TCEANC2: variants seen among roughly 807,000 people sequenced by gnomAD.
The protein encoded by TCEANC2 is transcription elongation factor A N-terminal and central domain-containing protein 2.
Under a neutral mutation model 22.8 loss-of-function variants are expected in TCEANC2, and 20 were observed. That is an observed-to-expected ratio of 0.88 (90% CI 0.62 to 1.28). The LOEUF (loss-of-function observed/expected upper bound fraction) is 1.28. Among genes scored for constraint, TCEANC2 ranks in the 50% most tolerant of loss-of-function variants. The pLI is 0.00. For missense variants in TCEANC2, 251 were observed against 249.7 expected (o/e 1.01, Z -0.03); for synonymous variants, 84 against 95.5 (o/e 0.88, Z 0.70).
At position 54,096,932 on chromosome 1, in the gene TCEANC2, CTGTT is replaced by C. The variant is rs1436309748; in HGVS notation, c.*460_*463del. On this transcript the variant is annotated 3_prime_UTR_variant, in exon 5 of 5. Coordinates refer to ENST00000234827, the MANE Select transcript of TCEANC2 (RefSeq NM_153035.3). This position sits in a 1 kb window ranked among gnomAD's most constrained non-coding sequence, Gnocchi z 4.9. ...CTGGTGCCTCTCAGAACTCCCCTGTCTGTTCTCTTTGCTCTATCCCAGGGGTGAG... is the reference window on the plus strand; with the variant it reads ...CTGGTGCCTCTCAGAACTCCCCTGTCCTCTTTGCTCTATCCCAGGGGTGAG... 1 of 987,006 alleles carries C rather than the reference CTGTT, an allele frequency of 1.0e-6. No homozygotes were observed. The highest frequency in any genetic ancestry group is 1.7e-5 in the African/African-American group (1 of 57,278). The allele number at this position is 987,006 out of a possible 1,614,324, so 61.1% of individuals were successfully genotyped here.
intron 4 of TCEANC2, among the ~76,000 whole-genome samples, chr1:54,093,893 C>T (rs1235438763): frequency 6.6e-6 from 1 of 152,168 alleles, no homozygotes; most frequent in Non-Finnish European, 1.5e-5. Flanking sequence ...ACTAACCAGC[C>T]TCATACCGGG....
At chr1:54,087,885 G>A (rs956163683) in intron 3 of TCEANC2, among the ~76,000 whole-genome samples, 5 of 152,150 alleles carry the variant, frequency 3.3e-5, no homozygotes, top group African/African-American at 1.2e-4. Flanking sequence ...TTATTCCTCT[G>A]TCTCTCCTAT....
At chr1:54,054,715 CTACACCCTTGTAATTACTCCGGTT>C (rs1351446114) in intron 2 of TCEANC2, among the ~76,000 whole-genome samples, 191 bp downstream of exon 2, 3 of 152,226 alleles carry the variant, frequency 2.0e-5, no homozygotes, top group African/African-American at 4.8e-5. Flanking sequence ...CACACCCCTG[CTACACCCTTGTAATTACTCCGGTT>C]TACACCATGT....
At chr1:54,085,567 T>G (rs1570016137) in intron 3 of TCEANC2, among the ~76,000 whole-genome samples, 1 of 152,308 alleles carries the variant, frequency 6.6e-6, no homozygotes. Flanking sequence ...TTCTAATATC[T>G]TAGATCTTAG....
chr1:54,108,035 A>G (rs1419317464), downstream of TCEANC2, among the ~76,000 whole-genome samples: 1 of 152,244 alleles, frequency 6.6e-6, no homozygotes, highest in African/African-American at 2.4e-5. Context: ...TATGTTGGAA[A>G]ATGAACTCAG....
At chr1:54,094,662 G>A (rs1362096426) in intron 4 of TCEANC2, among the ~76,000 whole-genome samples, 1 of 152,214 alleles carries the variant, frequency 6.6e-6, no homozygotes, top group Non-Finnish European at 1.5e-5. Flanking sequence ...CCCAAGGGCT[G>A]AGCCTGCCTT....
intron 3 of TCEANC2, among the ~76,000 whole-genome samples, chr1:54,074,223 G>A (rs1452397373): frequency 6.6e-6 from 1 of 152,144 alleles, no homozygotes; most frequent in African/African-American, 2.4e-5. Context: ...CAGCACTTTG[G>A]GAGGCCGAGG....
rs1422938750 is a variant in TCEANC2 at position 54,098,059 on chromosome 1, C to G, written c.*1586C>G. On this transcript the variant is annotated 3_prime_UTR_variant, in exon 5 of 5. Coordinates refer to ENST00000234827, the MANE Select transcript of TCEANC2 (RefSeq NM_153035.3). ...ATATGGTTGCCTTGGATGATTTCAT[C>G]TACTCTCATGTTTTCAAGCATCATT... 1.3e-5 allele frequency: 2 copies of G among 152,202 alleles called. No homozygotes were observed. Among genetic ancestry groups the G allele is most frequent in the Non-Finnish European group, 1.5e-5 (1 of 68,048 alleles). The allele number at this position is 152,202 out of a possible 1,614,324, so 9.4% of individuals were successfully genotyped here.
At chr1:54,089,917 T>A in intron 4 of TCEANC2, 1 of 753,656 alleles carries the variant, frequency 1.3e-6, no homozygotes, top group Non-Finnish European at 2.3e-6. Flanking sequence ...CAGCAAACAA[T>A]GGCAAGGCAG....
chr1:54,069,656 G>C (rs924391686), intron 3 of TCEANC2, among the ~76,000 whole-genome samples: 1 of 150,744 alleles, frequency 6.6e-6, no homozygotes, highest in Non-Finnish European at 1.5e-5. Flanking sequence ...CGAGCATATA[G>C]ACAAATGGGA....
In TCEANC2 at chr1:54,064,692, C is replaced by CTT. The variant is rs67486092; in HGVS notation, c.103-4042_103-4041dup. ...CGGTTTTGTTGGTTGTGCATTTTTC[C>CTT]TTTTTTTTTTTTTTTTTTTTTTTGG... On this transcript the variant is annotated intron_variant, in intron 2 of 4. Transcript: ENST00000234827. Among the ~76,000 whole-genome samples the CTT allele has an allele frequency of 4.2e-3, 393 of 93,620 alleles. 1 individual carries two copies. The highest frequency in any genetic ancestry group is 0.014 in the African/African-American group (323 of 22,482). The allele number at this position is 93,620 out of a possible 152,430, so 61.4% of individuals were successfully genotyped here.
At chr1:54,069,603 CAA>C (rs1333889985) in intron 3 of TCEANC2, among the ~76,000 whole-genome samples, 27 of 67,588 alleles carry the variant, frequency 4.0e-4, no homozygotes, top group Admixed American at 3.4e-4. Context: ...GACTCTGTCT[CAA>C]AAAAAAAAAA....
chr1:54,054,757 C>A (rs1657713868), intron 2 of TCEANC2, among the ~76,000 whole-genome samples: 1 of 152,202 alleles, frequency 6.6e-6, no homozygotes. Context: ...TGTGTGCTAG[C>A]TCGTAGGACA....
intron 3 of TCEANC2, among the ~76,000 whole-genome samples, chr1:54,070,242 C>T (rs1403579662): frequency 6.6e-6 from 1 of 152,130 alleles, no homozygotes; most frequent in East Asian, 1.9e-4. Context: ...GTTATAATCA[C>T]TAGGGGGCAA....
At chr1:54,054,648 G>A in intron 2 of TCEANC2, 124 bp downstream of exon 2, 3 of 937,508 alleles carry the variant, frequency 3.2e-6, no homozygotes, top group Non-Finnish European at 4.6e-6. Flanking sequence ...AAGTGTACCT[G>A]ACCACTCCTC....
chr1:54,089,920 C>A, intron 4 of TCEANC2: 1 of 752,800 alleles, frequency 1.3e-6, no homozygotes, highest in Non-Finnish European at 2.3e-6. Context: ...CAAACAATGG[C>A]AAGGCAGAGC....
chr1:54,088,662 TACACTGAGTGGAAAACTTTCACTGAAAA>T lies in TCEANC2; in HGVS notation c.314_341del (p.Thr105IlefsTer18). Reference sequence around the variant, plus strand: ...AGTGGCTTCTCTTGCCAGAGAAGTTTACACTGAGTGGAAAACTTTCACTGAAAAACATTCAAATAGACCTTCTATTGAA... The same window carrying T: ...AGTGGCTTCTCTTGCCAGAGAAGTTTACATTCAAATAGACCTTCTATTGAA... On this transcript the variant is annotated frameshift_variant, in exon 4 of 5. Coordinates refer to ENST00000234827, the MANE Select transcript of TCEANC2 (RefSeq NM_153035.3). LOFTEE classifies it high-confidence loss of function. 1 of 1,610,658 alleles carries T rather than the reference TACACTGAGTGGAAAACTTTCACTGAAAA, an allele frequency of 6.2e-7. No homozygotes were observed. Among genetic ancestry groups the T allele is most frequent in the South Asian group, 1.1e-5 (1 of 90,530 alleles).
chr1:54,092,864 A>T (rs935302674), intron 4 of TCEANC2, among the ~76,000 whole-genome samples: 2 of 148,182 alleles, frequency 1.3e-5, no homozygotes, highest in Non-Finnish European at 2.9e-5. Context: ...TAGCTAGTTC[A>T]TCCAGAATTA....
intron 3 of TCEANC2, among the ~76,000 whole-genome samples, chr1:54,069,412 A>G (rs918953027): frequency 6.6e-6 from 1 of 152,188 alleles, no homozygotes; most frequent in Non-Finnish European, 1.5e-5. Context: ...GTCCAAGACC[A>G]GCCAGGACAA....
Sources: gnomAD v4.1 joint callset for allele counts (sites outside exome capture counted in the v4.1 genomes callset) on GRCh38, gnomAD v4.1.1 for gene constraint, Gnocchi (gnomAD v3.1) non-coding constraint, MANE v1.5 for transcripts, NCBI Gene and HGNC (gene_info 2026-07-23, HGNC 2026-07-21) for gene names.